The following SYNE2 variants were observed in gnomAD, a reference collection of about 807,000 sequenced individuals.
The protein encoded by SYNE2 is nesprin-2.
A neutral mutation model predicts 856.3 loss-of-function variants in SYNE2; 431 were observed. The ratio of observed to expected loss-of-function variants is 0.50; its 90% CI spans 0.47 to 0.55. The LOEUF is 0.55. Ranked by LOEUF, SYNE2 falls within the 20% of genes least tolerant of loss-of-function variation. SYNE2 has a pLI of 0.00. For synonymous variants in SYNE2, 2,923 were observed against 2,872.3 expected, an observed-to-expected ratio of 1.02 and a Z score of -0.56; for missense variants, 8,129 against 8,023.2, an observed-to-expected ratio of 1.01 and a Z score of -0.50.
chr14:64,170,578 A>C, intron 94 of SYNE2, 116 bp downstream of exon 94: 1 of 1,089,446 alleles, frequency 9.2e-7, no homozygotes, highest in Non-Finnish European at 1.4e-6. Flanking sequence ...GGCTCTCTGC[A>C]GTGTGAGGCC....
intron 96 of SYNE2, among the ~76,000 whole-genome samples, chr14:64,185,287 G>T (rs1817590483): frequency 6.6e-6 from 1 of 151,966 alleles, no homozygotes; most frequent in Admixed American, 6.6e-5. Flanking sequence ...AAATTAAAAA[G>T]GCATAGTATC....
Position 64,070,712 on chromosome 14 carries a change from A to G in SYNE2, c.10499A>G (p.Glu3500Gly), listed in dbSNP as rs1460330396. Reference sequence around the variant, plus strand: ...CTCCCTGAAATTTCCAAAACAAAAGAGGCAGCCACCACAGAGGAACTCTCT... The same window carrying G: ...CTCCCTGAAATTTCCAAAACAAAAGGGGCAGCCACCACAGAGGAACTCTCT... ...EELPEISKTK[E>G]AATTEELSEL... Residue 3500 changes from glutamate to glycine, a missense_variant, in exon 52 of 116, where the codon GAG (glutamate) becomes GGG (glycine). Glu to Gly is a moderately conservative substitution (Grantham distance 98, BLOSUM62 -2). Around this residue, in one of 3 missense-constraint regions of SYNE2, gnomAD observed 5,410 missense variants for 5,284.8 expected, o/e 1.02. Transcript: ENST00000555002. The G allele has an allele frequency of 6.2e-7, 1 of 1,614,120 alleles. No individual in the cohort carries two copies. Among genetic ancestry groups the G allele is most frequent in the African/African-American group, 1.3e-5 (1 of 75,052 alleles).
intron 1 of SYNE2, among the ~76,000 whole-genome samples, chr14:63,827,663 AAAAG>A (rs1421724659): frequency 4.0e-5 from 6 of 149,962 alleles, no homozygotes; most frequent in Non-Finnish European, 8.9e-5. Context: ...AAAAGAAAGA[AAAAG>A]AAAAAAAGAA....
At chr14:64,162,904 A>C (rs1184605932) in intron 88 of SYNE2, 1 of 186,774 alleles carries the variant, frequency 5.4e-6, no homozygotes, top group Non-Finnish European at 1.1e-5. Flanking sequence ...ATTAACTTCT[A>C]CCTGAGCTGA....
chr14:63,944,222 G>T (rs1161573249), intron 6 of SYNE2, among the ~76,000 whole-genome samples: 4 of 149,402 alleles, frequency 2.7e-5, no homozygotes, highest in Non-Finnish European at 5.9e-5. Context: ...AACAAAATGG[G>T]GGTCATGTTA....
intron 10 of SYNE2, among the ~76,000 whole-genome samples, chr14:63,966,173 A>G (rs1451460478): frequency 6.6e-6 from 1 of 152,124 alleles, no homozygotes; most frequent in Non-Finnish European, 1.5e-5. Context: ...TTATTGGAAC[A>G]GAGCCATACC....
chr14:64,159,536 C>T, intron 87 of SYNE2, 94 bp downstream of exon 87: 1 of 1,418,732 alleles, frequency 7.0e-7, no homozygotes, highest in East Asian at 2.4e-5. Flanking sequence ...TCTTCTTCCT[C>T]CTCTGAGATG....
intron 2 of SYNE2, among the ~76,000 whole-genome samples, chr14:63,916,295 G>A (rs903212248): frequency 2.0e-5 from 3 of 152,130 alleles, no homozygotes; most frequent in Admixed American, 1.3e-4. Flanking sequence ...AGCATTATTT[G>A]CAATGTGAGT....
chr14:63,902,700 CTT>C (rs952684849), intron 1 of SYNE2, among the ~76,000 whole-genome samples: 1 of 146,132 alleles, frequency 6.8e-6, no homozygotes. Context: ...TTGTTTTTTT[CTT>C]TTTTTTTTGG....
chr14:64,022,460 C>T (rs1567077135), intron 37 of SYNE2, among the ~76,000 whole-genome samples: 2 of 151,684 alleles, frequency 1.3e-5, no homozygotes, highest in South Asian at 2.1e-4. Context: ...AGGCCGGGCG[C>T]GGTAGCTCAC....
At position 64,027,807 on chromosome 14, in the gene SYNE2, A is replaced by C. The variant is rs751622975; in HGVS notation, c.6714+14A>C. On this transcript the variant is annotated intron_variant, in intron 43 of 115. Transcript: ENST00000555002. ...CAACAACTGCAGGTGAGGTGGTCAA[A>C]ATAATGCTTTAAATGATTGTTCTAA... 6.2e-7 allele frequency: 1 copy of C among 1,603,830 alleles called. No homozygotes were observed. The highest frequency in any genetic ancestry group is 8.5e-7 in the Non-Finnish European group (1 of 1,170,628).
intron 1 of SYNE2, among the ~76,000 whole-genome samples, chr14:63,821,308 C>G (rs1889201818): frequency 6.6e-6 from 1 of 152,120 alleles, no homozygotes; most frequent in Non-Finnish European, 1.5e-5. Context: ...TGCTTCTTTT[C>G]AACTTACTAA....
At chr14:64,216,019 G>A (rs2098664773) in intron 107 of SYNE2, 1 of 1,451,230 alleles carries the variant, frequency 6.9e-7, no homozygotes, top group African/African-American at 1.4e-5. Context: ...TCATCCCACA[G>A]CAAATCATGT....
rs542751414 is a variant in SYNE2, at chr14:64,052,769, A to G, written c.8856A>G (p.Thr2952=). The G allele has an allele frequency of 2.4e-5, 39 of 1,612,602 alleles. No individual in the cohort carries two copies. The highest frequency in any genetic ancestry group is 5.0e-5 in the Admixed American group (3 of 59,752). The part of the protein sequence containing the change: ...IKFCRQFHEK[T]SALQEEADSI... ...TTTGCAGACAATTCCATGAAAAAACATCAGCGCTTCAGGAGGAGGCTGACA... is the reference window on the plus strand; with the variant it reads ...TTTGCAGACAATTCCATGAAAAAACGTCAGCGCTTCAGGAGGAGGCTGACA... The change falls in exon 48 of 116, where the codon ACA becomes ACG. Residue 2952 remains threonine (T), a synonymous_variant. Transcript: ENST00000555002.
chr14:63,972,216 G>A (rs951424320), intron 11 of SYNE2, among the ~76,000 whole-genome samples: 19 of 152,134 alleles, frequency 1.2e-4, no homozygotes, highest in African/African-American at 2.2e-4. Context: ...AGACCTGTCC[G>A]TGACAGGTCC....
At chr14:63,983,977 C>T (rs2096605737) in intron 18 of SYNE2, 91 bp downstream of exon 18, 2 of 954,898 alleles carry the variant, frequency 2.1e-6, no homozygotes, top group East Asian at 2.7e-5. Flanking sequence ...CACGGTGGCT[C>T]ATGCCTGTAA....
intron 42 of SYNE2, 114 bp from the exon 43 acceptor site, chr14:64,027,370 A>G: frequency 1.5e-6 from 1 of 655,488 alleles, no homozygotes; most frequent in Non-Finnish European, 2.6e-6. Flanking sequence ...CTCTGGGAAC[A>G]ATGTATATTA....
At chr14:64,169,687 G>T (rs2098401171) in intron 93 of SYNE2, among the ~76,000 whole-genome samples, 1 of 152,228 alleles carries the variant, frequency 6.6e-6, no homozygotes. Flanking sequence ...ATGCAAGCCA[G>T]TTCCAGGATG....
intron 1 of SYNE2, among the ~76,000 whole-genome samples, chr14:63,814,971 T>TACCCATATATATCCATATATAC (rs1566584615): frequency 3.2e-5 from 3 of 93,298 alleles, no homozygotes; most frequent in African/African-American, 1.1e-4. Context: ...CATATATATC[T>TACCCATATATATCCATATATAC]ATCCATATAT....
Sources: allele counts gnomAD v4.1 joint callset (sites outside exome capture counted in the v4.1 genomes callset), GRCh38; gene constraint gnomAD v4.1.1; regional missense constraint gnomAD v4.1.1; transcripts MANE v1.5; gene names NCBI Gene and HGNC (gene_info 2026-07-23, HGNC 2026-07-21).